Variants in ROBO2 observed in about 807,000 individuals in gnomAD.
The protein encoded by ROBO2 is roundabout homolog 2.
Under a neutral mutation model 160.8 loss-of-function variants are expected in ROBO2, and 53 were observed. The ratio of observed to expected loss-of-function variants is 0.33; its 90% CI spans 0.26 to 0.41. The LOEUF is 0.41. Among genes scored for constraint, ROBO2 ranks in the 10% least tolerant of loss-of-function variants. The pLI is 1.00. For missense variants in ROBO2, 1,577 were observed against 1,722.4 expected (o/e 0.92, Z 1.49); for synonymous variants, 664 against 611.7 (o/e 1.09, Z -1.26).
At chr3:77,364,854 A>C (rs1237857137) in intron 2 of ROBO2, among the ~76,000 whole-genome samples, 1 of 152,150 alleles carries the variant, frequency 6.6e-6, no homozygotes, top group Non-Finnish European at 1.5e-5. Context: ...GAAAAGTTTT[A>C]ATTCATATGC....
intron 2 of ROBO2, among the ~76,000 whole-genome samples, chr3:76,217,208 G>A (rs1473954132): frequency 6.6e-6 from 1 of 152,138 alleles, no homozygotes; most frequent in East Asian, 1.9e-4. Flanking sequence ...ACAAGAGAAA[G>A]CAGGAAAGAT....
chr3:77,299,814 G>A (rs2062487014), intron 2 of ROBO2, among the ~76,000 whole-genome samples: 1 of 152,074 alleles, frequency 6.6e-6, no homozygotes, highest in Non-Finnish European at 1.5e-5. Context: ...ACAACAGAGA[G>A]GGACGATAGA....
intron 2 of ROBO2, among the ~76,000 whole-genome samples, chr3:77,272,562 A>G (rs2153356485): frequency 6.6e-6 from 1 of 152,312 alleles, no homozygotes; most frequent in South Asian, 2.1e-4. Context: ...ATTACAATTT[A>G]TCATGAGATT....
chr3:76,291,566 T>C (rs1708804689), intron 2 of ROBO2, among the ~76,000 whole-genome samples: 1 of 152,118 alleles, frequency 6.6e-6, no homozygotes, highest in Non-Finnish European at 1.5e-5. Flanking sequence ...TCTGCTAGTT[T>C]TGGGTTGGTT....
upstream of ROBO2, chr3:77,039,784 TC>T (rs1007715101): frequency 1.4e-5 from 2 of 144,350 alleles, no homozygotes; most frequent in Non-Finnish European, 3.0e-5. Flanking sequence ...ATTCCTCCCC[TC>T]CCCTCCCGCC....
chr3:76,348,594 C>T (rs2074680061), intron 2 of ROBO2, among the ~76,000 whole-genome samples: 1 of 152,080 alleles, frequency 6.6e-6, no homozygotes, highest in African/African-American at 2.4e-5. Context: ...CATGGCACAA[C>T]CTGTGGGTAG....
chr3:76,194,768 C>T (rs569607368), intron 2 of ROBO2, among the ~76,000 whole-genome samples: 46 of 152,040 alleles, frequency 3.0e-4, no homozygotes, highest in Non-Finnish European at 5.9e-4. Context: ...TACAGGCGCC[C>T]GCCACCACGC....
chr3:75,916,970 G>A (rs1946838026), intron 1 of ROBO2, among the ~76,000 whole-genome samples: 1 of 123,086 alleles, frequency 8.1e-6, no homozygotes, highest in Non-Finnish European at 1.7e-5. Flanking sequence ...ATGAAAATGA[G>A]TGCATGTTTT....
intron 2 of ROBO2, among the ~76,000 whole-genome samples, chr3:77,337,275 G>A (rs560829554): frequency 1.7e-4 from 26 of 152,148 alleles, no homozygotes; most frequent in Non-Finnish European, 3.5e-4. Flanking sequence ...AAGGCAGCCA[G>A]TGATCAGAAA....
At chr3:76,992,174 T>A (rs1408887329) in intron 2 of ROBO2, among the ~76,000 whole-genome samples, 4 of 151,748 alleles carry the variant, frequency 2.6e-5, no homozygotes. Flanking sequence ...CTATTTATTG[T>A]ACACTAAAAC....
intron 2 of ROBO2, among the ~76,000 whole-genome samples, chr3:77,327,855 G>A (rs967570704): frequency 9.2e-5 from 14 of 152,002 alleles, no homozygotes; most frequent in African/African-American, 2.7e-4. Context: ...TTTGAGACTA[G>A]CCTGGACAAC....
intron 2 of ROBO2, among the ~76,000 whole-genome samples, chr3:76,237,080 GGC>G (rs1362069502): frequency 6.6e-6 from 1 of 151,994 alleles, no homozygotes; most frequent in African/African-American, 2.4e-5. Context: ...TACAATATAT[GGC>G]ATTTTAAATA....
At chr3:77,238,741 GCCTTTTTAGGCAAACAGACCAC>G (rs1255119802) in intron 2 of ROBO2, among the ~76,000 whole-genome samples, 7 of 152,008 alleles carry the variant, frequency 4.6e-5, no homozygotes, top group Admixed American at 4.6e-4. Flanking sequence ...ATGAGTTTGG[GCCTTTTTAGGCAAACAGACCAC>G]CTTGGTCCTC....
intron 17 of ROBO2, among the ~76,000 whole-genome samples, chr3:77,593,379 A>G (rs1181629278): frequency 1.3e-5 from 2 of 152,206 alleles, no homozygotes; most frequent in Non-Finnish European, 2.9e-5. Context: ...AAAAGCAGTT[A>G]TTAAACGGGC....
rs141730689 is a variant in ROBO2, at chr3:76,786,088, T to G, written c.110-311926T>G. On this transcript the variant is annotated intron_variant, in intron 2 of 26. Transcript: ENST00000487694. ...GGAAAACCCATATATCATATGGATA[T>G]AAGCACTCTGTTTATTTATAATTTT... Among the ~76,000 whole-genome samples, 295 of 151,368 alleles carry G rather than the reference T, an allele frequency of 1.9e-3. 2 individuals are homozygous for G. Among genetic ancestry groups the G allele is most frequent in the African/African-American group, 6.7e-3 (278 of 41,422 alleles).
At chr3:76,603,352 AT>A (rs1252615657) in intron 2 of ROBO2, among the ~76,000 whole-genome samples, 583 of 32,146 alleles carry the variant, frequency 0.018, 4 homozygotes, top group African/African-American at 0.061. Flanking sequence ...AAAAAAAAAA[AT>A]ATATATATAT....
At chr3:77,491,622 A>G (rs2086122004) in intron 4 of ROBO2, among the ~76,000 whole-genome samples, 1 of 152,160 alleles carries the variant, frequency 6.6e-6, no homozygotes, top group Non-Finnish European at 1.5e-5. Flanking sequence ...ATTTTATCCG[A>G]CATGTTGTCT....
chr3:75,970,908 A>T (rs935821490), intron 2 of ROBO2, among the ~76,000 whole-genome samples: 4 of 151,312 alleles, frequency 2.6e-5, no homozygotes, highest in African/African-American at 9.7e-5. Flanking sequence ...AACCTCAATA[A>T]ATAATTTATT....
At chr3:76,940,072 C>A (rs903707999) in intron 2 of ROBO2, among the ~76,000 whole-genome samples, 9 of 150,572 alleles carry the variant, frequency 6.0e-5, no homozygotes, top group African/African-American at 2.0e-4. Context: ...AGCTCCGCCT[C>A]CCGGGTTCAC....
Sources: allele counts gnomAD v4.1 joint callset (sites outside exome capture counted in the v4.1 genomes callset), GRCh38; gene constraint gnomAD v4.1.1; transcripts MANE v1.5; gene names NCBI Gene and HGNC (gene_info 2026-07-23, HGNC 2026-07-21).